MSR1: variants seen among roughly 807,000 people sequenced by gnomAD.
The protein encoded by MSR1 is macrophage scavenger receptor types I and II.
MSR1 carries 53 observed loss-of-function variants against 47.2 expected under a neutral mutation model. The observed-to-expected ratio is 1.12, with a 90% CI of 0.90 to 1.41. The LOEUF (loss-of-function observed/expected upper bound fraction) is 1.41, where lower values mean the gene tolerates loss of function less well. Ranked by LOEUF, MSR1 falls within the 40% of genes most tolerant of loss-of-function variation. The pLI, the probability that MSR1 is intolerant of heterozygous loss-of-function variation, is 0.00. For missense variants in MSR1, 786 were observed against 546.9 expected, an observed-to-expected ratio of 1.44 and a Z score of -4.36; for synonymous variants, 239 against 185.6, an observed-to-expected ratio of 1.29 and a Z score of -2.34.
intron 9 of MSR1, among the ~76,000 whole-genome samples, chr8:16,117,348 G>A (rs1198543264): frequency 6.6e-6 from 1 of 152,150 alleles, no homozygotes; most frequent in Admixed American, 6.6e-5. Flanking sequence ...TGATGCTAGA[G>A]CTGGGGAGCG....
intron 8 of MSR1, chr8:16,141,063 G>A (rs1337716852): frequency 6.2e-7 from 1 of 1,611,936 alleles, no homozygotes; most frequent in African/African-American, 1.3e-5. Flanking sequence ...ATATATAAAG[G>A]AGGAAATTAA....
At chr8:16,142,888 C>G (rs351558) in intron 8 of MSR1, among the ~76,000 whole-genome samples, 4,680 of 152,184 alleles carry the variant, frequency 0.031, 240 homozygotes, top group African/African-American at 0.11. Flanking sequence ...TTCCACACTC[C>G]TCTTCATAAT....
chr8:16,133,442 G>A (rs1190220323), intron 8 of MSR1, among the ~76,000 whole-genome samples: 2 of 152,138 alleles, frequency 1.3e-5, no homozygotes, highest in Admixed American at 1.3e-4. Flanking sequence ...CTAGTTTGAT[G>A]AGAGAAATGA....
At chr8:16,170,675 C>T (rs554270565) in intron 3 of MSR1, among the ~76,000 whole-genome samples, 240 of 152,142 alleles carry the variant, frequency 1.6e-3, no homozygotes, top group African/African-American at 5.6e-3. Context: ...AATTAAACAA[C>T]ACATGAAAAA....
At chr8:16,141,367 C>T (rs181566353) in intron 8 of MSR1, among the ~76,000 whole-genome samples, 351 of 152,082 alleles carry the variant, frequency 2.3e-3, no homozygotes, top group Non-Finnish European at 3.0e-3. Context: ...AAAGTCTGAC[C>T]AAAGCAAACA....
intron 3 of MSR1, among the ~76,000 whole-genome samples, chr8:16,172,713 T>G (rs939112510): frequency 6.6e-6 from 1 of 152,122 alleles, no homozygotes; most frequent in Non-Finnish European, 1.5e-5. Context: ...TTTATCTTAT[T>G]GTTCTGACAC....
intron 1 of MSR1, among the ~76,000 whole-genome samples, chr8:16,184,346 GATCT>G (rs1801931692): frequency 6.6e-6 from 1 of 151,964 alleles, no homozygotes; most frequent in Non-Finnish European, 1.5e-5. Flanking sequence ...GTTTTAATTT[GATCT>G]ATTACATCTG....
chr8:16,190,660 G>A (rs952587318), intron 1 of MSR1, among the ~76,000 whole-genome samples: 1 of 151,712 alleles, frequency 6.6e-6, no homozygotes, highest in African/African-American at 2.4e-5. Context: ...TACTTGACAT[G>A]CATTCGTTTT....
chr8:16,122,469 A>T (rs1800026935), intron 8 of MSR1, among the ~76,000 whole-genome samples: 1 of 152,162 alleles, frequency 6.6e-6, no homozygotes, highest in African/African-American at 2.4e-5. Flanking sequence ...TGATTATATG[A>T]GCATCGTTGT....
At chr8:16,125,973 G>A (rs934332686) in intron 8 of MSR1, among the ~76,000 whole-genome samples, 1 of 151,976 alleles carries the variant, frequency 6.6e-6, no homozygotes, top group Admixed American at 6.6e-5. Flanking sequence ...TAATCAAGAT[G>A]GTAAATGTGA....
intron 8 of MSR1, among the ~76,000 whole-genome samples, chr8:16,122,879 CT>C (rs1800036641): frequency 1.7e-5 from 2 of 116,326 alleles, no homozygotes; most frequent in Admixed American, 2.5e-4. Flanking sequence ...CGGAGTCTTG[CT>C]GTCTCCCAGG....
At chr8:16,171,328 A>T (rs1383135002) in intron 3 of MSR1, among the ~76,000 whole-genome samples, 1 of 151,900 alleles carries the variant, frequency 6.6e-6, no homozygotes, top group Non-Finnish European at 1.5e-5. Flanking sequence ...TTAAATTCTA[A>T]TTTCAAAAAA....
Position 16,110,140 on chromosome 8 carries a change from C to T in MSR1, c.1301G>A (p.Trp434Ter), listed in dbSNP as rs771088951. 1.2e-6 allele frequency: 2 copies of T among 1,613,690 alleles called. No homozygotes were observed. Among genetic ancestry groups the T allele is most frequent in the Non-Finnish European group, 1.7e-6 (2 of 1,179,714 alleles). Residue 434 changes from tryptophan to a stop codon, truncating the protein, a stop_gained, in exon 10 of 10, where the codon TGG (tryptophan) becomes TAG (stop). Coordinates refer to ENST00000262101, the MANE Select transcript of MSR1 (RefSeq NM_138715.3). LOFTEE classifies it high-confidence loss of function. ...SSIEECKIRQ[W>*]GTRACSHSED... ...AGAATGTGAACAGGCTCTTGTCCCC[C>T]ATTGCCGAATTTTACATTCTTCAAT... is the stretch of plus-strand genomic sequence containing the variant.
At position 16,139,762 on chromosome 8, in the gene MSR1, AAAAAAAAAAAAAATATATATATATAT is replaced by A. The variant is rs1289314725; in HGVS notation, c.1033+3770_1033+3795del. ...CTTCAAAACTTAAAAAAAAAAAAAA[AAAAAAAAAAAAAATATATATATATAT>A]ATATATATATATATATATATATATA... On this transcript the variant is annotated intron_variant, in intron 8 of 9. Transcript: ENST00000262101. 1.0e-4 allele frequency: 17 copies of A among 165,538 alleles called. No individual in the cohort carries two copies. The African/African-American group carries it at 1.1e-3, about 11-fold the overall frequency. The allele number at this position is 165,538 out of a possible 1,614,324, so 10.3% of individuals were successfully genotyped here. A position where few individuals can be genotyped will look rare whatever the true frequency, so the allele number is the denominator to read the frequency against.
At chr8:16,164,019 T>C (rs1801232664) in intron 5 of MSR1, 46 bp downstream of exon 5, 2 of 1,439,808 alleles carry the variant, frequency 1.4e-6, no homozygotes, top group Non-Finnish European at 1.9e-6. Context: ...TATCAGTATA[T>C]TTTAATATAT....
chr8:16,179,088 G>C (rs142939646), intron 1 of MSR1, among the ~76,000 whole-genome samples: 21 of 152,238 alleles, frequency 1.4e-4, no homozygotes, highest in African/African-American at 4.6e-4. Context: ...TCTATTTTTA[G>C]AGGTGTGTTT....
At position 16,143,623 on chromosome 8, in the gene MSR1, A is replaced by G. The variant is rs917658026; in HGVS notation, c.980-12T>C. 2.0e-5 allele frequency: 32 copies of G among 1,609,804 alleles called. No individual in the cohort carries two copies. Among genetic ancestry groups the G allele is most frequent in the Non-Finnish European group, 2.4e-5 (28 of 1,177,314 alleles). On this transcript the variant is annotated splice_polypyrimidine_tract_variant and intron_variant, in intron 7 of 9. Transcript: ENST00000262101. ...TGGTCCAGAATTTCCTTGAGAAAAG[A>G]AGAAAAATATTTGTTTTTAATCAGG... is the stretch of plus-strand genomic sequence containing the variant.
chr8:16,164,044 A>T (rs1450016700), intron 5 of MSR1, 21 bp downstream of exon 5: 1 of 1,572,230 alleles, frequency 6.4e-7, no homozygotes, highest in Admixed American at 1.7e-5. Flanking sequence ...CATTTTCTGG[A>T]GAAATGACAA....
chr8:16,175,148 G>A (rs761346016), intron 3 of MSR1, 39 bp downstream of exon 3: 2 of 1,524,112 alleles, frequency 1.3e-6, no homozygotes, highest in Admixed American at 3.3e-5. Context: ...ATAATTCACG[G>A]GACGAGTTAC....
Sources: allele counts gnomAD v4.1 joint callset (sites outside exome capture counted in the v4.1 genomes callset), GRCh38; gene constraint gnomAD v4.1.1; transcripts MANE v1.5; gene names NCBI Gene and HGNC (gene_info 2026-07-23, HGNC 2026-07-21).